The following SLC35D2 variants were observed in gnomAD, a reference collection of about 807,000 sequenced individuals.
The protein encoded by SLC35D2 is solute carrier family 35 member D2.
A neutral mutation model predicts 41.8 loss-of-function variants in SLC35D2; 43 were observed. The observed-to-expected ratio is 1.03, with a 90% CI of 0.81 to 1.33. The LOEUF (loss-of-function observed/expected upper bound fraction) is 1.33. SLC35D2 is among the 40% of genes most tolerant of loss of function. The pLI is 0.00. For missense variants in SLC35D2, 380 were observed against 408.4 expected, an observed-to-expected ratio of 0.93 and a Z score of 0.60; for synonymous variants, 150 against 163.9, an observed-to-expected ratio of 0.92 and a Z score of 0.65.
downstream of SLC35D2, among the ~76,000 whole-genome samples, chr9:96,316,150 T>A (rs1214771927): frequency 6.6e-6 from 1 of 152,202 alleles, no homozygotes; most frequent in Non-Finnish European, 1.5e-5. Context: ...CCTAGCTGTG[T>A]GCACCAGCTC....
At chr9:96,376,522 C>G (rs1830968984) in intron 1 of SLC35D2, among the ~76,000 whole-genome samples, 1 of 151,760 alleles carries the variant, frequency 6.6e-6, no homozygotes, top group Non-Finnish European at 1.5e-5. Context: ...GGCAGAAGAA[C>G]TGCTTAAACA....
intron 1 of SLC35D2, among the ~76,000 whole-genome samples, chr9:96,370,730 G>C (rs1442503699): frequency 1.3e-5 from 2 of 152,128 alleles, no homozygotes; most frequent in Non-Finnish European, 2.9e-5. Flanking sequence ...ATAAGTCAAA[G>C]AGCCCAGCCT....
chr9:96,316,468 C>A (rs4743720), downstream of SLC35D2, among the ~76,000 whole-genome samples: 1 of 151,076 alleles, frequency 6.6e-6, no homozygotes, highest in African/African-American at 2.4e-5. Context: ...CTGGGCAAGA[C>A]AGCAAGACTC....
At chr9:96,329,512 G>A (rs377514536) in intron 9 of SLC35D2, among the ~76,000 whole-genome samples, 1 of 152,146 alleles carries the variant, frequency 6.6e-6, no homozygotes, top group African/African-American at 2.4e-5. Flanking sequence ...ACAGGCATGA[G>A]CCACTGTGTC....
Position 96,321,093 on chromosome 9 carries a change from A to G in SLC35D2, c.*149T>C. ...AGACTGCCATTGGCTCATCCTGCAT[A>G]TGAGGTAGTTCTCTTTGCATTTTGC... On this transcript the variant is annotated 3_prime_UTR_variant, in exon 12 of 12. Transcript: ENST00000253270. 1.7e-6 allele frequency: 1 copy of G among 604,900 alleles called. No individual in the cohort carries two copies. The highest frequency in any genetic ancestry group is 2.9e-6 in the Non-Finnish European group (1 of 341,324). The allele number at this position is 604,900 out of a possible 1,614,324, so 37.5% of individuals were successfully genotyped here.
chr9:96,374,678 TA>T (rs199722043), intron 1 of SLC35D2, among the ~76,000 whole-genome samples: 4,165 of 126,744 alleles, frequency 0.033, 74 homozygotes, highest in Middle Eastern at 0.079. Context: ...ACTAAAAAAA[TA>T]AAAAAAAAAT....
chr9:96,315,051 T>G (rs532138916), intron 11 of SLC35D2, among the ~76,000 whole-genome samples: 2 of 152,326 alleles, frequency 1.3e-5, no homozygotes, highest in East Asian at 3.9e-4. Context: ...TTTTTATAGT[T>G]TTTGCCAGCT....
At chr9:96,383,263 G>A (rs933743610) in intron 1 of SLC35D2, among the ~76,000 whole-genome samples, 1 of 152,184 alleles carries the variant, frequency 6.6e-6, no homozygotes, top group African/African-American at 2.4e-5. Flanking sequence ...CAGGGCAGGC[G>A]CGCTCAGGAA....
At chr9:96,346,627 C>G (rs1323629249) in intron 6 of SLC35D2, among the ~76,000 whole-genome samples, 1 of 152,078 alleles carries the variant, frequency 6.6e-6, no homozygotes, top group African/African-American at 2.4e-5. Context: ...CAGTGGCATA[C>G]CCTGAATCTT....
intron 1 of SLC35D2, among the ~76,000 whole-genome samples, chr9:96,368,735 TC>T (rs1490633432): frequency 6.8e-5 from 9 of 132,856 alleles, no homozygotes; most frequent in African/African-American, 2.4e-4. Flanking sequence ...TTATACTCCC[TC>T]TCTCTCTCTC....
intron 1 of SLC35D2, among the ~76,000 whole-genome samples, chr9:96,381,707 C>G (rs1201413186): frequency 2.6e-5 from 4 of 152,216 alleles, no homozygotes; most frequent in Non-Finnish European, 5.9e-5. Context: ...GCTCTTTTCA[C>G]TTCTCTTTCC....
At chr9:96,357,096 T>C (rs1003445131) in intron 4 of SLC35D2, among the ~76,000 whole-genome samples, 6 of 152,052 alleles carry the variant, frequency 3.9e-5, no homozygotes, top group African/African-American at 7.2e-5. Context: ...GAGAATTGCT[T>C]GAACCTGGGA....
Position 96,356,455 on chromosome 9 carries a change from A to T in SLC35D2, c.347+3699T>A, listed in dbSNP as rs186878201. Reference sequence around the variant, plus strand: ...ATTAATAAGGAAATGCAAGAGAATTAAAAAATCAAAACTATCTTGAAAAAG... The same window carrying T: ...ATTAATAAGGAAATGCAAGAGAATTTAAAAATCAAAACTATCTTGAAAAAG... On this transcript the variant is annotated intron_variant, in intron 4 of 11. Coordinates refer to ENST00000253270, the MANE Select transcript of SLC35D2 (RefSeq NM_007001.3). Among the ~76,000 whole-genome samples, 12 of 150,616 alleles carry T rather than the reference A, an allele frequency of 8.0e-5. No individual in the cohort carries two copies. In the East Asian group the frequency reaches 2.3e-3, roughly 29 times the overall value.
At chr9:96,361,386 T>C (rs1160079032) in intron 3 of SLC35D2, among the ~76,000 whole-genome samples, 1 of 152,086 alleles carries the variant, frequency 6.6e-6, no homozygotes, top group Non-Finnish European at 1.5e-5. Context: ...AAGACTGGTG[T>C]CCCTATATGA....
At chr9:96,320,134 A>G (rs1270096308), downstream of SLC35D2, among the ~76,000 whole-genome samples, 3 of 152,188 alleles carry the variant, frequency 2.0e-5, no homozygotes, top group Non-Finnish European at 4.4e-5. Context: ...GCGGTAGGTG[A>G]GCATGTGAGG....
chr9:96,347,029 G>A (rs1237007923), intron 6 of SLC35D2, among the ~76,000 whole-genome samples: 2 of 152,124 alleles, frequency 1.3e-5, no homozygotes, highest in African/African-American at 4.8e-5. Context: ...CCAGCTACTT[G>A]GGAGGCTGAG....
intron 4 of SLC35D2, among the ~76,000 whole-genome samples, chr9:96,358,080 T>TTATATATATATATATATCTATATATATA (rs1830110231): frequency 8.1e-6 from 1 of 122,712 alleles, no homozygotes; most frequent in African/African-American, 3.9e-5. Flanking sequence ...ATTATATATT[T>TTATATATATATATATATCTATATATATA]TATATATATA....
At chr9:96,374,995 C>T (rs372527893) in intron 1 of SLC35D2, among the ~76,000 whole-genome samples, 4 of 136,162 alleles carry the variant, frequency 2.9e-5, no homozygotes, top group Non-Finnish European at 4.7e-5. Flanking sequence ...TGTTTGAATT[C>T]TTTTTTTTTT....
chr9:96,351,041 G>C, intron 6 of SLC35D2, 62 bp downstream of exon 6: 2 of 1,223,862 alleles, frequency 1.6e-6, no homozygotes, highest in Admixed American at 1.7e-5. Context: ...ACTGAGGATG[G>C]GGCTGGGCCT....
Sources: allele counts gnomAD v4.1 joint callset (sites outside exome capture counted in the v4.1 genomes callset), GRCh38; gene constraint gnomAD v4.1.1; transcripts MANE v1.5; gene names NCBI Gene and HGNC (gene_info 2026-07-23, HGNC 2026-07-21).